APOB: variants seen among roughly 807,000 people sequenced by gnomAD.
APOB encodes the protein apolipoprotein B.
A neutral mutation model predicts 314.1 loss-of-function variants in APOB; 153 were observed. That is an observed-to-expected ratio of 0.49 (90% CI 0.43 to 0.56). APOB has a LOEUF of 0.56. Among genes scored for constraint, APOB ranks in the 20% least tolerant of loss-of-function variants. The probability of loss-of-function intolerance (pLI) is 0.00; values close to 1 mark genes in which losing one functional copy is unlikely to be tolerated. For synonymous variants in APOB, 2,087 were observed against 2,036.4 expected (o/e 1.02, Z -0.67); for missense variants, 5,430 against 5,350.7 (o/e 1.01, Z -0.46).
chr2:21,012,514 A>G lies in APOB; in HGVS notation c.4354T>C (p.Leu1452=). 1 of 1,614,230 alleles carries G rather than the reference A, an allele frequency of 6.2e-7. No individual in the cohort carries two copies. Among genetic ancestry groups the G allele is most frequent in the Non-Finnish European group, 8.5e-7 (1 of 1,180,048 alleles). ...GAACTAGATGCATCGAATATTAGTA[A>G]ACCTTTTGAGACTGGGTTGTTTCCA... ...KLGNNPVSKG[L]LIFDASSSWG... Residue 1452 remains leucine (L), a synonymous_variant, in exon 26 of 29, where the codon TTA becomes CTA. Coordinates refer to ENST00000233242, the MANE Select transcript of APOB (RefSeq NM_000384.3).
rs749395573 is a variant in APOB at position 21,012,659 on chromosome 2, A to G, written c.4217-8T>C. ...ATGTTGTTTCTCCAGATCCTAACATAAAAATGAAAAGACATTGGTTAAATT... is the reference window on the plus strand; with the variant it reads ...ATGTTGTTTCTCCAGATCCTAACATGAAAATGAAAAGACATTGGTTAAATT... On this transcript the variant is annotated splice_polypyrimidine_tract_variant and splice_region_variant and intron_variant, in intron 25 of 28. Transcript: ENST00000233242. The G allele has an allele frequency of 1.1e-5, 18 of 1,609,392 alleles. No homozygotes were observed. The Admixed American group carries it at 1.8e-4, about 16-fold the overall frequency.
rs772307142 is a variant in APOB at position 21,007,921 on chromosome 2, A to T, written c.8947T>A (p.Phe2983Ile). The T allele has an allele frequency of 6.2e-7, 1 of 1,614,056 alleles. No individual in the cohort carries two copies. The highest frequency in any genetic ancestry group is 1.1e-5 in the South Asian group (1 of 91,070). The change falls in exon 26 of 29, where the codon TTT becomes ATT. Residue 2983 changes from phenylalanine to isoleucine, a missense_variant. By Grantham distance (21) the Phe-to-Ile change is conservative (BLOSUM62 0). Around this residue, in one of 3 missense-constraint regions of APOB, gnomAD observed 3,281 missense variants for 3,171.0 expected, o/e 1.03. Transcript: ENST00000233242. Reference protein sequence around the residue: ...NLVYESGSLNFSKLEIQSQVD... With the variant: ...NLVYESGSLNISKLEIQSQVD... ...TGTGATTGAATTTCAAGTTTAGAAA[A>T]GTTGAGGGAGCCAGATTCATAAACC...
Position 21,016,483 on chromosome 2 carries a change from A to G in APOB, c.3288T>C (p.Ile1096=). The G allele has an allele frequency of 6.2e-7, 1 of 1,612,290 alleles. No homozygotes were observed. Residue 1096 remains isoleucine (I), a synonymous_variant, in exon 21 of 29, where the codon ATT becomes ATC. Coordinates refer to ENST00000233242, the MANE Select transcript of APOB (RefSeq NM_000384.3). ...GKTSYRLTLD[I]QNKKITEVAL... ...CGACCTCAGTAATTTTCTTGTTCTG[A>G]ATGTCCAGGGTGAGTCTGTAAGACG...
chr2:21,020,011 G>C, intron 18 of APOB, 106 bp from the exon 19 acceptor site: 3 of 959,948 alleles, frequency 3.1e-6, no homozygotes, highest in Non-Finnish European at 5.1e-6. Context: ...TCTTCCCTCA[G>C]TCCACACCTA....
In APOB at chr2:21,030,035, A is replaced by G. The variant is rs1316530640; in HGVS notation, c.1353-20T>C. 2 of 1,505,898 alleles carry G rather than the reference A, an allele frequency of 1.3e-6. No homozygotes were observed. The highest frequency in any genetic ancestry group is 1.8e-6 in the Non-Finnish European group (2 of 1,081,430). The allele number at this position is 1,505,898 out of a possible 1,614,324, so 93.3% of individuals were successfully genotyped here. On this transcript the variant is annotated intron_variant, in intron 10 of 28. Transcript: ENST00000233242. ...TGATAGCTACAGAATAAGAGAAGAG[A>G]GTCAGGACTTGGTAACCCCAGTTAG...
intron 5 of APOB, among the ~76,000 whole-genome samples, 187 bp downstream of exon 5, chr2:21,037,771 A>G (rs1050030081): frequency 1.3e-5 from 2 of 152,150 alleles, no homozygotes; most frequent in African/African-American, 4.8e-5. Flanking sequence ...CCTGCTTGGG[A>G]TGATCTGTCA....
intron 5 of APOB, 126 bp downstream of exon 5, chr2:21,037,832 C>G: frequency 1.6e-6 from 2 of 1,251,502 alleles, no homozygotes; most frequent in Non-Finnish European, 2.3e-6. Context: ...TCACGCCAAT[C>G]CAGGGCTTCC....
intron 15 of APOB, 99 bp from the exon 16 acceptor site, chr2:21,025,223 T>TA (rs1338489662): frequency 1.3e-5 from 15 of 1,189,790 alleles, no homozygotes; most frequent in Admixed American, 5.2e-5. Flanking sequence ...AGGATGGGCC[T>TA]AAAAAATGCT....
At chr2:21,043,285 TCCCCCGCCC>T (rs1259857863) in intron 2 of APOB, among the ~76,000 whole-genome samples, 1 of 151,620 alleles carries the variant, frequency 6.6e-6, no homozygotes, top group Non-Finnish European at 1.5e-5. Flanking sequence ...ATCCCTTCCC[TCCCCCGCCC>T]CCAGGCTGAA....
chr2:21,043,760 T>A, intron 1 of APOB, 104 bp downstream of exon 1: 1 of 1,511,150 alleles, frequency 6.6e-7, no homozygotes, highest in Non-Finnish European at 8.8e-7. Context: ...CCCTGGACCC[T>A]GTGGCTGCCC....
At chr2:21,015,603 A>C (rs1663446372) in intron 21 of APOB, 58 bp from the exon 22 acceptor site, 1 of 1,561,908 alleles carries the variant, frequency 6.4e-7, no homozygotes, top group African/African-American at 1.3e-5. Context: ...GGAGATATGC[A>C]GGATTAAACA....
chr2:21,038,149 T>C (rs748604777), intron 4 of APOB, 38 bp from the exon 5 acceptor site: 129 of 1,612,024 alleles, frequency 8.0e-5, no homozygotes, highest in Non-Finnish European at 1.6e-5. Context: ...AATGTCCTTC[T>C]CCATTACAAC....
chr2:21,005,730 T>G lies in APOB; in HGVS notation c.11138A>C (p.Asn3713Thr), dbSNP rs1337109088. The G allele has an allele frequency of 6.2e-7, 1 of 1,613,244 alleles. No homozygotes were observed. ...GATGGAGAATGAATAGCCATTGGGG[T>G]TTTTGGTGTACACAAAGGCAGTTGA... ...RVSTAFVYTKNPNGYSFSIPV... is the reference protein window; with the variant it reads ...RVSTAFVYTKTPNGYSFSIPV... Residue 3713 changes from asparagine (N) to threonine (T), a missense_variant, in exon 26 of 29, where the codon AAC (asparagine) becomes ACC (threonine). This residue lies in a region of APOB where 3,281 missense variants were observed against 3,171.0 expected (regional missense o/e 1.03). Coordinates refer to ENST00000233242, the MANE Select transcript of APOB (RefSeq NM_000384.3).
In APOB at chr2:21,035,575, A is replaced by G. The variant is rs760912177; in HGVS notation, c.818+9T>C. ...AAATGACAAATCAGGGGTGCATCAC[A>G]TGACCTACTTGTAGGAGAAAGGCAG... On this transcript the variant is annotated intron_variant, in intron 7 of 28. Transcript: ENST00000233242. 1.2e-6 allele frequency: 2 copies of G among 1,614,036 alleles called. No homozygotes were observed. Among genetic ancestry groups the G allele is most frequent in the Non-Finnish European group, 1.7e-6 (2 of 1,180,028 alleles).
chr2:21,028,716 T>C (rs1240536807), intron 12 of APOB, among the ~76,000 whole-genome samples, 178 bp from the exon 13 acceptor site: 1 of 152,210 alleles, frequency 6.6e-6, no homozygotes, highest in Non-Finnish European at 1.5e-5. Flanking sequence ...CACTATCAAG[T>C]AAGGGTTCCC....
At chr2:21,018,871 C>T in intron 20 of APOB, 121 bp downstream of exon 20, 3 of 1,457,532 alleles carry the variant, frequency 2.1e-6, no homozygotes, top group Non-Finnish European at 2.9e-6. Context: ...AATAGGCCTG[C>T]CGCTTAGTGG....
Position 21,028,401 on chromosome 2 carries a change from C to T in APOB, c.1755G>A (p.Gln585=), listed in dbSNP as rs774406602. 1.1e-5 allele frequency: 17 copies of T among 1,614,070 alleles called. No individual in the cohort carries two copies. In the South Asian group the frequency reaches 1.5e-4, roughly 15 times the overall value. Residue 585 remains glutamine (Q), a synonymous_variant, in exon 13 of 29, where the codon CAG becomes CAA. Transcript: ENST00000233242. ...NKIVQILPWE[Q]NEQVKNFVAS... The stretch of plus-strand genomic sequence containing the variant: ...CCACAAAGTTCTTCACTTGCTCATT[C>T]TGTTCCCATGGTAGAATTTGGACAA...
Position 21,005,925 on chromosome 2 carries a change from A to C in APOB, c.10943T>G (p.Val3648Gly). Reference protein sequence around the residue: ...RIHSGSFQSQVELSNDQEKAH... With the variant: ...RIHSGSFQSQGELSNDQEKAH... ...CTTTTCTTGGTCATTGGAAAGCTCG[A>C]CCTGGCTCTGGAAAGACCCAGAATG... Residue 3648 changes from valine (V) to glycine (G), a missense_variant, in exon 26 of 29, where the codon GTC becomes GGC. This residue lies in a region of APOB where 3,281 missense variants were observed against 3,171.0 expected (regional missense o/e 1.03). Coordinates refer to ENST00000233242, the MANE Select transcript of APOB (RefSeq NM_000384.3). The C allele has an allele frequency of 6.2e-7, 1 of 1,613,894 alleles. No homozygotes were observed. The highest frequency in any genetic ancestry group is 1.6e-4 in the Middle Eastern group (1 of 6,062).
At chr2:21,030,499 C>A (rs1352954659) in intron 10 of APOB, among the ~76,000 whole-genome samples, 2 of 152,084 alleles carry the variant, frequency 1.3e-5, no homozygotes, top group Admixed American at 6.6e-5. Context: ...TATAAAAATG[C>A]AAGAAGAAAA....
Sources: allele counts gnomAD v4.1 joint callset (sites outside exome capture counted in the v4.1 genomes callset), GRCh38; gene constraint gnomAD v4.1.1; regional missense constraint gnomAD v4.1.1; transcripts MANE v1.5; gene names NCBI Gene and HGNC (gene_info 2026-07-23, HGNC 2026-07-21).